The following TLN2 variants were observed in gnomAD, a reference collection of about 807,000 sequenced individuals.
The protein encoded by TLN2 is talin-2.
In TLN2, 118 loss-of-function variants were observed where a neutral mutation model predicts 294.7. The ratio of observed to expected loss-of-function variants is 0.40; its 90% CI spans 0.34 to 0.47. The LOEUF is 0.47. Ranked by LOEUF, TLN2 falls within the 20% of genes least tolerant of loss-of-function variation. TLN2 has a pLI of 0.84. For missense variants in TLN2, 3,083 were observed against 3,282.2 expected, an observed-to-expected ratio of 0.94 and a Z score of 1.48; for synonymous variants, 1,431 against 1,304.5, an observed-to-expected ratio of 1.10 and a Z score of -2.09.
chr15:62,558,613 C>T (rs2042737992), intron 1 of TLN2, among the ~76,000 whole-genome samples: 1 of 152,118 alleles, frequency 6.6e-6, no homozygotes, highest in African/African-American at 2.4e-5. Flanking sequence ...GTGGAAGATA[C>T]CCAGGGAATG....
intron 45 of TLN2, among the ~76,000 whole-genome samples, chr15:62,786,868 ATTAC>A (rs2141099450): frequency 6.6e-6 from 1 of 152,260 alleles, no homozygotes; most frequent in South Asian, 2.1e-4. Flanking sequence ...AAAAACCGCA[ATTAC>A]TTTTATGCCA....
intron 57 of TLN2, among the ~76,000 whole-genome samples, chr15:62,836,710 A>G (rs1237188993): frequency 1.3e-5 from 2 of 152,220 alleles, no homozygotes; most frequent in Non-Finnish European, 2.9e-5. Flanking sequence ...AATTATAAAA[A>G]TATTTTAAAT....
chr15:62,748,501 G>A, intron 33 of TLN2, 57 bp downstream of exon 33: 1 of 1,305,406 alleles, frequency 7.7e-7, no homozygotes, highest in Non-Finnish European at 1.1e-6. Flanking sequence ...GTGTCTGTGT[G>A]TCTGTGTGTC....
chr15:62,543,952 A>C (rs1396394116), intron 1 of TLN2, among the ~76,000 whole-genome samples: 1 of 152,110 alleles, frequency 6.6e-6, no homozygotes, highest in African/African-American at 2.4e-5. Context: ...GCCTTGGGCT[A>C]TTCAGGGGCT....
intron 1 of TLN2, among the ~76,000 whole-genome samples, chr15:62,459,719 A>G (rs926671755): frequency 2.6e-5 from 4 of 152,240 alleles, no homozygotes; most frequent in African/African-American, 9.6e-5. Context: ...GTCCTGGGGC[A>G]GGCTTTAGTT....
chr15:62,748,799 A>G (rs1173769920), intron 33 of TLN2, among the ~76,000 whole-genome samples: 1 of 152,246 alleles, frequency 6.6e-6, no homozygotes, highest in African/African-American at 2.4e-5. Flanking sequence ...TGGAGAGATT[A>G]TTCTGGAACA....
At chr15:62,649,716 C>T (rs1254762870) in intron 4 of TLN2, among the ~76,000 whole-genome samples, 1 of 152,172 alleles carries the variant, frequency 6.6e-6, no homozygotes, top group Non-Finnish European at 1.5e-5. Flanking sequence ...TAGTTTCTCC[C>T]CCGCTGTCTT....
At chr15:62,826,381 G>A (rs1011293202) in intron 54 of TLN2, among the ~76,000 whole-genome samples, 1 of 152,136 alleles carries the variant, frequency 6.6e-6, no homozygotes, top group Non-Finnish European at 1.5e-5. Flanking sequence ...CCTCGGATGC[G>A]GAGGGTGTGG....
At chr15:62,498,476 G>A (rs2039134597) in intron 1 of TLN2, among the ~76,000 whole-genome samples, 1 of 152,208 alleles carries the variant, frequency 6.6e-6, no homozygotes, top group South Asian at 2.1e-4. Context: ...TGCATATACA[G>A]TAATCAGAGT....
At chr15:62,725,931 T>G (rs1297731343) in intron 27 of TLN2, among the ~76,000 whole-genome samples, 1 of 152,188 alleles carries the variant, frequency 6.6e-6, no homozygotes, top group African/African-American at 2.4e-5. Context: ...CAATGCCTGG[T>G]ACATAGAAAG....
intron 3 of TLN2, among the ~76,000 whole-genome samples, chr15:62,631,142 A>G (rs59854818): frequency 2.6e-5 from 4 of 151,864 alleles, no homozygotes; most frequent in Non-Finnish European, 4.4e-5. Context: ...GCAGCTTCCT[A>G]TGAGTTCCGC....
At chr15:62,686,583 T>A (rs2057312047) in intron 11 of TLN2, 58 bp from the exon 12 acceptor site, 1 of 1,551,074 alleles carries the variant, frequency 6.4e-7, no homozygotes, top group South Asian at 1.2e-5. Flanking sequence ...ACTGATTCCC[T>A]GGCAAAGTCA....
chr15:62,682,128 G>A (rs1042348168), intron 11 of TLN2, among the ~76,000 whole-genome samples: 1 of 152,186 alleles, frequency 6.6e-6, no homozygotes, highest in African/African-American at 2.4e-5. Flanking sequence ...GGGGCAGATA[G>A]TAAACATTTC....
intron 54 of TLN2, among the ~76,000 whole-genome samples, chr15:62,827,461 C>A (rs8042901): frequency 0.99 from 150,139 of 152,284 alleles, 74,052 homozygotes; most frequent in Middle Eastern, 1. Context: ...GTTGCTCCTC[C>A]AGTGACAGAA....
intron 2 of TLN2, among the ~76,000 whole-genome samples, chr15:62,593,221 C>G (rs2046222759): frequency 6.6e-6 from 1 of 152,148 alleles, no homozygotes; most frequent in Admixed American, 6.5e-5. Flanking sequence ...CTTCCTGCCA[C>G]CCTCCATTAG....
intron 2 of TLN2, among the ~76,000 whole-genome samples, chr15:62,615,945 A>AT (rs139705548): frequency 2.0e-4 from 30 of 151,174 alleles, no homozygotes; most frequent in South Asian, 8.4e-4. Context: ...GGAGGATAAC[A>AT]TTTTTTTTTG....
intron 4 of TLN2, among the ~76,000 whole-genome samples, chr15:62,648,578 A>C: frequency 8.6e-6 from 1 of 116,438 alleles, no homozygotes. Flanking sequence ...ATGGAATCTC[A>C]CTCTTGTTGC....
At chr15:62,714,447 C>T (rs2059642532) in intron 22 of TLN2, among the ~76,000 whole-genome samples, 1 of 151,998 alleles carries the variant, frequency 6.6e-6, no homozygotes, top group Admixed American at 6.6e-5. Flanking sequence ...TGTGATCCAC[C>T]CGCCTCGGCC....
chr15:62,800,433 G>C lies in TLN2; in HGVS notation c.6300G>C (p.Lys2100Asn), dbSNP rs1387844774. The change falls in exon 49 of 59, where the codon AAG (lysine) becomes AAC (asparagine). Residue 2100 changes from lysine to asparagine, a missense_variant. Lys to Asn is a moderately conservative substitution (Grantham distance 94, BLOSUM62 0). Transcript: ENST00000636159. ...TTTCTGATCTCATCAGTGCTACCAA[G>C]GGAGCTGCCAGCAAGCCAGTGGACG... ...KALSDLISAT[K>N]GAASKPVDDP... 1 of 1,614,096 alleles carries C rather than the reference G, an allele frequency of 6.2e-7. No homozygotes were observed. The highest frequency in any genetic ancestry group is 1.3e-5 in the African/African-American group (1 of 74,940).
Sources: allele counts gnomAD v4.1 joint callset (sites outside exome capture counted in the v4.1 genomes callset), GRCh38; gene constraint gnomAD v4.1.1; transcripts MANE v1.5; gene names NCBI Gene and HGNC (gene_info 2026-07-23, HGNC 2026-07-21).